The following CYP26B1 variants were observed in gnomAD, a reference collection of about 807,000 sequenced individuals.
The protein encoded by CYP26B1 is cytochrome P450 26B1.
In CYP26B1, 8 loss-of-function variants were observed where a neutral mutation model predicts 39.1. The ratio of observed to expected loss-of-function variants is 0.20; its 90% confidence interval spans 0.12 to 0.37. CYP26B1 has a LOEUF of 0.37. CYP26B1 is among the 10% of genes least tolerant of loss of function. The pLI, the probability that CYP26B1 is intolerant of heterozygous loss-of-function variation, is 1.00. For missense variants in CYP26B1, 615 were observed against 707.0 expected (o/e 0.87, Z 1.48); for synonymous variants, 321 against 314.3 (o/e 1.02, Z -0.23).
At chr2:72,133,389 T>C in intron 4 of CYP26B1, 82 bp from the exon 5 acceptor site, 1 of 1,521,876 alleles carries the variant, frequency 6.6e-7, no homozygotes, top group Non-Finnish European at 8.9e-7. Context: ...GTGGCCCGTG[T>C]GCCCAGGTCA....
Position 72,137,577 on chromosome 2 carries a change from G to A in CYP26B1, c.430-2158C>T, listed in dbSNP as rs567313076. ...CCCAGGGTTTCAAAAGGGGGAGCAC[G>A]CAGGGCCCCCACCTCACCCACAGAC... On this transcript the variant is annotated intron_variant, in intron 2 of 5. Coordinates refer to ENST00000001146, the MANE Select transcript of CYP26B1 (RefSeq NM_019885.4). Among the ~76,000 whole-genome samples, 136 of 152,148 alleles carry A rather than the reference G, an allele frequency of 8.9e-4. 1 individual carries two copies. Among genetic ancestry groups the A allele is most frequent in the African/African-American group, 3.2e-3 (131 of 41,532 alleles).
intron 1 of CYP26B1, among the ~76,000 whole-genome samples, chr2:72,145,338 C>T (rs1414187072): frequency 1.3e-5 from 2 of 152,166 alleles, no homozygotes; most frequent in East Asian, 1.9e-4. Context: ...ACCCGGAGCC[C>T]TAATCACTTT....
In CYP26B1 at chr2:72,142,759, G is replaced by T. The variant is rs543828012; in HGVS notation, c.429+1230C>A. ...CACTCCCCAGAACTCCTCTCCCGCC[G>T]CCCCCAGGCTGTGGTAACTGCTTCC... On this transcript the variant is annotated intron_variant, in intron 2 of 5. Transcript: ENST00000001146. 3.3e-5 allele frequency among the ~76,000 whole-genome samples: 5 copies of T among 152,200 alleles called. No homozygotes were observed. In the South Asian group the frequency reaches 1.0e-3, roughly 32 times the overall value.
chr2:72,143,922 G>A, intron 2 of CYP26B1, 67 bp downstream of exon 2: 1 of 1,569,276 alleles, frequency 6.4e-7, no homozygotes, highest in South Asian at 1.1e-5. Context: ...CATTCCCCGG[G>A]CTCCAGGAAC....
intron 3 of CYP26B1, 82 bp downstream of exon 3, chr2:72,135,062 A>G: frequency 1.2e-6 from 2 of 1,604,818 alleles, no homozygotes; most frequent in Middle Eastern, 1.9e-4. Context: ...TGCCCATCTC[A>G]GGGGTCAGGT....
At chr2:72,134,630 C>T in intron 4 of CYP26B1, 131 bp downstream of exon 4, 1 of 1,412,158 alleles carries the variant, frequency 7.1e-7, no homozygotes, top group Non-Finnish European at 9.7e-7. Flanking sequence ...GGTCTCCAGC[C>T]ACTGCTCAGA....
At chr2:72,144,304 C>A (rs1184371020) in intron 1 of CYP26B1, 91 bp from the exon 2 acceptor site, 3 of 1,528,438 alleles carry the variant, frequency 2.0e-6, no homozygotes, top group Non-Finnish European at 2.6e-6. Flanking sequence ...GGGGTACAGT[C>A]ACCTGCCCCC....
chr2:72,135,026 C>T (rs550918137), intron 3 of CYP26B1, 110 bp from the exon 4 acceptor site: 5 of 1,600,224 alleles, frequency 3.1e-6, no homozygotes, highest in East Asian at 4.5e-5. Context: ...CACCTCTCCC[C>T]TTTGTCCATG....
chr2:72,132,581 G>A lies in CYP26B1; in HGVS notation c.1185C>T (p.Ser395=). ...QIPKGWSVMY[S]IRDTHDTAPV... is the part of the protein sequence containing the mutation. ...GCGCTGTGTCATGGGTGTCCCGGAT[G>A]CTATACATGACACTCCAGCCTTTGG... Residue 395 remains serine, a synonymous_variant, in exon 6 of 6, where the codon AGC becomes AGT. Transcript: ENST00000001146. 4 of 1,611,660 alleles carry A rather than the reference G, an allele frequency of 2.5e-6. No individual in the cohort carries two copies. Among genetic ancestry groups the A allele is most frequent in the Non-Finnish European group, 3.4e-6 (4 of 1,178,980 alleles).
chr2:72,132,691 C>A, intron 5 of CYP26B1, 72 bp from the exon 6 acceptor site: 1 of 1,532,160 alleles, frequency 6.5e-7, no homozygotes, highest in South Asian at 1.2e-5. Context: ...AGGACTGCCC[C>A]CTCCCTGCTC....
Position 72,147,100 on chromosome 2 carries a change from A to G in CYP26B1, c.204+531T>C, listed in dbSNP as rs1316184001. On this transcript the variant is annotated intron_variant, in intron 1 of 5. Transcript: ENST00000001146. This position sits in a 1 kb window ranked among gnomAD's most constrained non-coding sequence, Gnocchi z 6.1. ...ACAGACACACTCGCGCGGACCGCGG[A>G]CCAGGGACACTGTACCTGGCGCTGC... Among the ~76,000 whole-genome samples, 1 of 152,168 alleles carries G rather than the reference A, an allele frequency of 6.6e-6. No individual in the cohort carries two copies. The highest frequency in any genetic ancestry group is 1.5e-5 in the Non-Finnish European group (1 of 68,030).
In CYP26B1 at chr2:72,132,260, C is replaced by T. The variant is rs747391137; in HGVS notation, c.1506G>A (p.Pro502=). ...TGGCGCTCAGCATGGCCTCCGTCTC[C>T]GGCAGGATCTCGTTCTGGTTGGAGT... ...GLDSNQNEIL[P]ETEAMLSATV Residue 502 remains proline (P), a synonymous_variant, in exon 6 of 6, where the codon CCG becomes CCA. Coordinates refer to ENST00000001146, the MANE Select transcript of CYP26B1 (RefSeq NM_019885.4). 38 of 1,604,274 alleles carry T rather than the reference C, an allele frequency of 2.4e-5. 1 individual carries two copies. Among genetic ancestry groups the T allele is most frequent in the African/African-American group, 1.1e-4 (8 of 74,832 alleles).
chr2:72,129,252 T>G lies in CYP26B1; in HGVS notation c.*2975A>C, dbSNP rs1572917877. 6.6e-6 allele frequency: 1 copy of G among 152,406 alleles called. No individual in the cohort carries two copies. Among genetic ancestry groups the G allele is most frequent in the Non-Finnish European group, 1.5e-5 (1 of 68,038 alleles). 9.4% of individuals were successfully genotyped at this position (152,406 alleles called of 1,614,324 possible). A position where few individuals can be genotyped will look rare whatever the true frequency, so the allele number is the denominator to read the frequency against. On this transcript the variant is annotated 3_prime_UTR_variant, in exon 6 of 6. Coordinates refer to ENST00000001146, the MANE Select transcript of CYP26B1 (RefSeq NM_019885.4). ...CGGAGACAAGGGCGGGTCCCCACGG[T>G]TTATTCTAGAAGCCTATAGAAGAGC...
chr2:72,144,506 A>C (rs1187815613), intron 1 of CYP26B1: 3 of 1,175,568 alleles, frequency 2.6e-6, no homozygotes, highest in African/African-American at 3.1e-5. Context: ...GCTGGACCCG[A>C]AGCGGGAGTC....
chr2:72,136,297 C>A (rs979404088), intron 2 of CYP26B1, among the ~76,000 whole-genome samples: 7 of 152,296 alleles, frequency 4.6e-5, no homozygotes, highest in Admixed American at 2.0e-4. Context: ...GGGAGCCCCC[C>A]ACTCCACCCC....
intron 1 of CYP26B1, among the ~76,000 whole-genome samples, chr2:72,145,069 C>T (rs1453875246): frequency 6.6e-6 from 1 of 152,168 alleles, no homozygotes; most frequent in African/African-American, 2.4e-5. Context: ...CTAGTTACCC[C>T]ACCCCACGTT....
intron 1 of CYP26B1, among the ~76,000 whole-genome samples, chr2:72,145,104 C>A (rs1018776759): frequency 6.6e-6 from 1 of 152,132 alleles, no homozygotes; most frequent in Non-Finnish European, 1.5e-5. Context: ...CGGGGCAGCA[C>A]CCGGCGCAAA....
chr2:72,145,116 G>A (rs965879826), intron 1 of CYP26B1, among the ~76,000 whole-genome samples: 1 of 152,174 alleles, frequency 6.6e-6, no homozygotes, highest in African/African-American at 2.4e-5. Flanking sequence ...CGGCGCAAAG[G>A]GGAGGGGCGC....
intron 5 of CYP26B1, 65 bp from the exon 6 acceptor site, chr2:72,132,684 A>C: frequency 1.3e-6 from 2 of 1,542,082 alleles, no homozygotes; most frequent in Admixed American, 4.0e-5. Flanking sequence ...AGGGCCCAGG[A>C]CTGCCCCCTC....
Sources: allele counts gnomAD v4.1 joint callset (sites outside exome capture counted in the v4.1 genomes callset), GRCh38; gene constraint gnomAD v4.1.1; non-coding constraint Gnocchi (gnomAD v3.1); transcripts MANE v1.5; gene names NCBI Gene and HGNC (gene_info 2026-07-23, HGNC 2026-07-21).